The following SPTLC2 variants were observed in gnomAD, a reference collection of about 807,000 sequenced individuals.
The protein encoded by SPTLC2 is serine palmitoyltransferase 2.
A neutral mutation model predicts 62.0 loss-of-function variants in SPTLC2; 21 were observed. The observed-to-expected ratio is 0.34, with a 90% CI of 0.24 to 0.49. The LOEUF is 0.49. Among genes scored for constraint, SPTLC2 ranks in the 20% least tolerant of loss-of-function variants. The pLI is 0.99. For synonymous variants in SPTLC2, 261 were observed against 261.8 expected (o/e 1.00, Z 0.03); for missense variants, 511 against 713.0 (o/e 0.72, Z 3.23).
chr14:77,595,573 TGAGA>T (rs2079842238), intron 2 of SPTLC2, among the ~76,000 whole-genome samples: 1 of 152,112 alleles, frequency 6.6e-6, no homozygotes, highest in Non-Finnish European at 1.5e-5. Flanking sequence ...ATGGTTGAGA[TGAGA>T]GAGAAAGGAT....
At chr14:77,530,255 C>A (rs900004780) in intron 9 of SPTLC2, among the ~76,000 whole-genome samples, 1 of 151,980 alleles carries the variant, frequency 6.6e-6, no homozygotes, top group African/African-American at 2.4e-5. Flanking sequence ...GATAAGCAAA[C>A]CTGGGTTAAA....
At chr14:77,540,731 C>G (rs368397593) in intron 9 of SPTLC2, among the ~76,000 whole-genome samples, 3 of 152,292 alleles carry the variant, frequency 2.0e-5, no homozygotes, top group African/African-American at 7.2e-5. Context: ...ACCTTAGACT[C>G]CCAAAGTGCT....
intron 2 of SPTLC2, among the ~76,000 whole-genome samples, chr14:77,589,376 T>C (rs570131168): frequency 2.6e-4 from 39 of 152,308 alleles, no homozygotes; most frequent in African/African-American, 8.2e-4. Flanking sequence ...ATTTGTATGT[T>C]TGTGTGTGCA....
At chr14:77,551,242 A>G (rs549389194) in intron 9 of SPTLC2, among the ~76,000 whole-genome samples, 1 of 151,868 alleles carries the variant, frequency 6.6e-6, no homozygotes, top group African/African-American at 2.4e-5. Context: ...AAATACAAAA[A>G]AATTAGCCGG....
intron 1 of SPTLC2, among the ~76,000 whole-genome samples, chr14:77,598,601 C>T (rs561002764): frequency 5.3e-5 from 8 of 152,162 alleles, no homozygotes; most frequent in Non-Finnish European, 1.0e-4. Context: ...GTAGTGATAA[C>T]ACAAGTAAAT....
At chr14:77,606,582 T>C (rs1483741733) in intron 1 of SPTLC2, among the ~76,000 whole-genome samples, 1 of 152,120 alleles carries the variant, frequency 6.6e-6, no homozygotes, top group Admixed American at 6.5e-5. Context: ...CATTAAAGTC[T>C]CTTCTAGGAA....
Position 77,521,364 on chromosome 14 carries a change from C to T in SPTLC2, c.1439+82G>A. On this transcript the variant is annotated intron_variant, in intron 10 of 11. Coordinates refer to ENST00000216484, the MANE Select transcript of SPTLC2 (RefSeq NM_004863.4). ...ACACAGTAAGGACAAGACCATTTTC[C>T]CTAACAAAATACATAAGCCCTGGTC... 2.5e-6 allele frequency: 4 copies of T among 1,574,418 alleles called. No individual in the cohort carries two copies. In the East Asian group the frequency reaches 9.0e-5, roughly 35 times the overall value.
At chr14:77,516,041 C>T (rs1019885060) in intron 11 of SPTLC2, among the ~76,000 whole-genome samples, 14 of 145,616 alleles carry the variant, frequency 9.6e-5, no homozygotes, top group African/African-American at 3.2e-4. Flanking sequence ...TATTTTACAG[C>T]ACTTTCTATA....
At chr14:77,602,241 T>C (rs2079882026) in intron 1 of SPTLC2, among the ~76,000 whole-genome samples, 1 of 152,204 alleles carries the variant, frequency 6.6e-6, no homozygotes, top group Non-Finnish European at 1.5e-5. Context: ...CATTCGCATT[T>C]CCACCTGCCT....
intron 1 of SPTLC2, 66 bp downstream of exon 1, chr14:77,616,382 C>T: frequency 9.4e-7 from 1 of 1,066,412 alleles, no homozygotes; most frequent in South Asian, 3.6e-5. Context: ...GAGACCTCGC[C>T]CCGCCCGGCC....
At chr14:77,550,952 A>C (rs2079552537) in intron 9 of SPTLC2, among the ~76,000 whole-genome samples, 1 of 151,754 alleles carries the variant, frequency 6.6e-6, no homozygotes, top group South Asian at 2.1e-4. Flanking sequence ...AAACAGTCTT[A>C]AACCAACCAA....
At chr14:77,601,731 T>C (rs1349100607) in intron 1 of SPTLC2, among the ~76,000 whole-genome samples, 1 of 152,216 alleles carries the variant, frequency 6.6e-6, no homozygotes. Context: ...AAGCGGCCTC[T>C]TTTTACTCTT....
chr14:77,514,860 G>C (rs1057060550), intron 11 of SPTLC2, among the ~76,000 whole-genome samples: 1 of 152,092 alleles, frequency 6.6e-6, no homozygotes, highest in African/African-American at 2.4e-5. Context: ...CCTATGATTT[G>C]CCTGTTCTGG....
intron 5 of SPTLC2, among the ~76,000 whole-genome samples, chr14:77,569,336 C>T (rs1021957231): frequency 1.3e-5 from 2 of 152,054 alleles, no homozygotes; most frequent in African/African-American, 2.4e-5. Flanking sequence ...AATGTACAAA[C>T]CATTTATATT....
intron 2 of SPTLC2, among the ~76,000 whole-genome samples, chr14:77,594,561 G>A (rs1446007190): frequency 6.6e-6 from 1 of 152,142 alleles, no homozygotes; most frequent in Non-Finnish European, 1.5e-5. Flanking sequence ...AGGAGTTTGA[G>A]ACCAGCCTGG....
At chr14:77,598,275 C>T (rs2079859081) in intron 1 of SPTLC2, among the ~76,000 whole-genome samples, 1 of 152,110 alleles carries the variant, frequency 6.6e-6, no homozygotes. Flanking sequence ...TGCATAAGAA[C>T]ACCACCTAAC....
At chr14:77,543,407 G>A (rs2079511960) in intron 9 of SPTLC2, among the ~76,000 whole-genome samples, 1 of 152,172 alleles carries the variant, frequency 6.6e-6, no homozygotes, top group African/African-American at 2.4e-5. Context: ...AAACACTGTA[G>A]TAATGTATCT....
chr14:77,558,604 A>C (rs1341204976), intron 6 of SPTLC2, among the ~76,000 whole-genome samples: 1 of 149,150 alleles, frequency 6.7e-6, no homozygotes, highest in Non-Finnish European at 1.5e-5. Flanking sequence ...TTACGTCCTG[A>C]CTCAAAGCCT....
chr14:77,531,925 A>C (rs2079443064), intron 9 of SPTLC2, among the ~76,000 whole-genome samples: 1 of 152,232 alleles, frequency 6.6e-6, no homozygotes, highest in Admixed American at 6.5e-5. Flanking sequence ...AATAAGAATA[A>C]AAATAAAATT....
Sources: gnomAD v4.1 joint callset for allele counts (sites outside exome capture counted in the v4.1 genomes callset) on GRCh38, gnomAD v4.1.1 for gene constraint, MANE v1.5 for transcripts, NCBI Gene and HGNC (gene_info 2026-07-23, HGNC 2026-07-21) for gene names.